CERT1: variants seen among roughly 807,000 people sequenced by gnomAD.
CERT1 encodes ceramide transporter 1, also known as ceramide transfer protein.
In CERT1, 31 loss-of-function variants were observed where a neutral mutation model predicts 87.9. The observed-to-expected ratio is 0.35, with a 90% confidence interval of 0.27 to 0.48. The LOEUF (loss-of-function observed/expected upper bound fraction) is 0.48, where lower values mean the gene tolerates loss of function less well. CERT1 is among the 20% of genes least tolerant of loss of function. CERT1 has a pLI of 0.99. For missense variants in CERT1, 487 were observed against 758.0 expected, an observed-to-expected ratio of 0.64 and a Z score of 4.20; for synonymous variants, 289 against 250.9, an observed-to-expected ratio of 1.15 and a Z score of -1.44.
intron 3 of CERT1, among the ~76,000 whole-genome samples, chr5:75,427,760 T>C (rs1403311991): frequency 6.6e-6 from 1 of 152,204 alleles, no homozygotes; most frequent in Non-Finnish European, 1.5e-5. Flanking sequence ...TGAACAGCTT[T>C]TCTTCATTTG....
chr5:75,473,902 T>C (rs1765833202), intron 2 of CERT1, among the ~76,000 whole-genome samples: 1 of 152,160 alleles, frequency 6.6e-6, no homozygotes, highest in Non-Finnish European at 1.5e-5. Context: ...TACTTTAAAA[T>C]AAAAGGGCTG....
In CERT1 at chr5:75,379,423, G is replaced by A. The variant is rs1013864471; in HGVS notation, c.1798C>T (p.Arg600Ter). The A allele has an allele frequency of 6.2e-7, 1 of 1,613,724 alleles. No homozygotes were observed. Among genetic ancestry groups the A allele is most frequent in the Non-Finnish European group, 8.5e-7 (1 of 1,179,718 alleles). ...CGTTTTAGAAATTTAGGATACTCTC[G>A]CTTTGCCACTGCCCTTAACACTGAG... ...PASVLRAVAK[R>*]EYPKFLKRFT... Residue 600 changes from arginine to a stop codon, truncating the protein, a stop_gained, in exon 17 of 17, where the codon CGA (arginine) becomes TGA (stop). Coordinates refer to ENST00000643780, the MANE Select transcript of CERT1 (RefSeq NM_001379029.1). LOFTEE classifies it high-confidence loss of function.
In CERT1 at chr5:75,379,131, G is replaced by A. The variant is rs910208936; in HGVS notation, c.*215C>T. The stretch of plus-strand genomic sequence containing the variant: ...CCAGAGGTTGAGGTTGCAGTGAGCC[G>A]TGATGGTGTCATTGCACTTCAGCTT... On this transcript the variant is annotated 3_prime_UTR_variant, in exon 17 of 17. Coordinates refer to ENST00000643780, the MANE Select transcript of CERT1 (RefSeq NM_001379029.1). 14 of 475,424 alleles carry A rather than the reference G, an allele frequency of 2.9e-5. No homozygotes were observed. The highest frequency in any genetic ancestry group is 4.9e-5 in the Non-Finnish European group (13 of 266,140). The allele number at this position is 475,424 out of a possible 1,614,324, so 29.5% of individuals were successfully genotyped here.
rs1220717737 is a variant in CERT1, at chr5:75,401,529, A to C, written c.1018-1232T>G. Reference sequence around the variant, plus strand: ...CAAAACAGCACATCCTAGACAAAAAACTAAGGGAAACAAATAAATAATGCT... The same window carrying C: ...CAAAACAGCACATCCTAGACAAAAACCTAAGGGAAACAAATAAATAATGCT... On this transcript the variant is annotated intron_variant, in intron 9 of 16. Transcript: ENST00000643780. The C allele has an allele frequency of 3.3e-5, 5 of 152,262 alleles. No individual in the cohort carries two copies. In the East Asian group the frequency reaches 9.6e-4, roughly 29 times the overall value. The allele number at this position is 152,262 out of a possible 1,614,324, so 9.4% of individuals were successfully genotyped here.
intron 5 of CERT1, among the ~76,000 whole-genome samples, chr5:75,421,900 A>G (rs931302482): frequency 1.3e-5 from 2 of 152,164 alleles, no homozygotes; most frequent in African/African-American, 4.8e-5. Flanking sequence ...CTATTCTCAC[A>G]ATTTAAAGGA....
intron 3 of CERT1, among the ~76,000 whole-genome samples, chr5:75,454,337 T>TTA (rs1418894111): frequency 6.6e-6 from 1 of 152,242 alleles, no homozygotes; most frequent in East Asian, 1.9e-4. Flanking sequence ...ATTACATTCT[T>TTA]AAATAAATGT....
chr5:75,490,643 C>A (rs553671227), intron 2 of CERT1, among the ~76,000 whole-genome samples: 1 of 151,954 alleles, frequency 6.6e-6, no homozygotes, highest in East Asian at 1.9e-4. Context: ...GGACTACAGG[C>A]GCCCACCACC....
chr5:75,491,924 A>C (rs1470840115), intron 2 of CERT1, among the ~76,000 whole-genome samples: 1 of 152,120 alleles, frequency 6.6e-6, no homozygotes, highest in African/African-American at 2.4e-5. Context: ...GATATGAAAA[A>C]CAGTTGTAGC....
At chr5:75,508,425 C>G (rs757280547) in intron 1 of CERT1, among the ~76,000 whole-genome samples, 1 of 152,160 alleles carries the variant, frequency 6.6e-6, no homozygotes, top group Non-Finnish European at 1.5e-5. Context: ...GAAGCCCCAG[C>G]AATTATGTAT....
chr5:75,436,587 A>C (rs908295677), intron 3 of CERT1, among the ~76,000 whole-genome samples: 1 of 152,166 alleles, frequency 6.6e-6, no homozygotes, highest in African/African-American at 2.4e-5. Flanking sequence ...ATCTCTCTGT[A>C]ACAGATGAAA....
At chr5:75,510,130 T>C (rs1767860999) in intron 1 of CERT1, among the ~76,000 whole-genome samples, 1 of 152,194 alleles carries the variant, frequency 6.6e-6, no homozygotes, top group East Asian at 1.9e-4. Flanking sequence ...TAATAGCCAC[T>C]GGCTGCACAT....
chr5:75,409,162 T>C (rs1424067745), intron 8 of CERT1, among the ~76,000 whole-genome samples: 1 of 152,130 alleles, frequency 6.6e-6, no homozygotes, highest in Non-Finnish European at 1.5e-5. Context: ...AAAATAATAA[T>C]TCTAAAATAG....
downstream of CERT1, chr5:75,374,700 T>A (rs958784198): frequency 1.3e-5 from 8 of 607,192 alleles, no homozygotes; most frequent in Non-Finnish European, 2.5e-5. Flanking sequence ...GTTGTGCAAC[T>A]CACAACAAAG....
intron 2 of CERT1, among the ~76,000 whole-genome samples, chr5:75,474,107 G>A (rs944625839): frequency 9.2e-5 from 14 of 152,116 alleles, no homozygotes; most frequent in Non-Finnish European, 1.8e-4. Flanking sequence ...CTTAAAAACC[G>A]ATGTTATTCA....
Position 75,379,246 on chromosome 5 carries a change from CAT to C in CERT1, c.*98_*99del, listed in dbSNP as rs933269801. The C allele has an allele frequency of 1.1e-5, 12 of 1,089,624 alleles. No homozygotes were observed. In the African/African-American group the frequency reaches 1.7e-4, roughly 16 times the overall value. The allele number at this position is 1,089,624 out of a possible 1,614,324, so 67.5% of individuals were successfully genotyped here. ...TACTCTATAGGGGAACATCAAAAAA[CAT>C]AGTAAATACTTTCAACAACTAAATT... On this transcript the variant is annotated 3_prime_UTR_variant, in exon 17 of 17. Transcript: ENST00000643780.
chr5:75,424,190 T>C (rs1255189314), intron 5 of CERT1, among the ~76,000 whole-genome samples: 1 of 152,220 alleles, frequency 6.6e-6, no homozygotes, highest in Non-Finnish European at 1.5e-5. Flanking sequence ...AAATAAGAAC[T>C]CAATAAAATT....
Position 75,457,829 on chromosome 5 carries a change from C to T in CERT1, c.348+1236G>A, listed in dbSNP as rs150735081. Among the ~76,000 whole-genome samples the T allele has an allele frequency of 8.0e-5, 12 of 149,194 alleles. No individual in the cohort carries two copies. The East Asian group carries it at 1.8e-3, about 23-fold the overall frequency. On this transcript the variant is annotated intron_variant, in intron 3 of 16. Coordinates refer to ENST00000643780, the MANE Select transcript of CERT1 (RefSeq NM_001379029.1). Reference sequence around the variant, plus strand: ...AAAACAGTGCCTGAGATTTCACAATCGCATACTTCTTTATCAATCGTGTTA... The same window carrying T: ...AAAACAGTGCCTGAGATTTCACAATTGCATACTTCTTTATCAATCGTGTTA...
At chr5:75,495,449 T>G (rs1767011600) in intron 2 of CERT1, among the ~76,000 whole-genome samples, 1 of 151,944 alleles carries the variant, frequency 6.6e-6, no homozygotes, top group Non-Finnish European at 1.5e-5. Flanking sequence ...TCTCAGCTAC[T>G]CGGGGGGCTG....
upstream of CERT1, chr5:75,511,728 G>C (rs753714628): frequency 6.5e-7 from 1 of 1,547,356 alleles, no homozygotes; most frequent in Non-Finnish European, 8.7e-7. Context: ...GCGACACGCC[G>C]AGCCTTCGGG....
Sources: allele counts gnomAD v4.1 joint callset (sites outside exome capture counted in the v4.1 genomes callset), GRCh38; gene constraint gnomAD v4.1.1; transcripts MANE v1.5; gene names NCBI Gene and HGNC (gene_info 2026-07-23, HGNC 2026-07-21).